SHPRH: variants seen among roughly 807,000 people sequenced by gnomAD.
The protein encoded by SHPRH is SNF2 histone linker PHD RING helicase, also known as E3 ubiquitin-protein ligase SHPRH.
Under a neutral mutation model 202.5 loss-of-function variants are expected in SHPRH, and 106 were observed. That is an observed-to-expected ratio of 0.52 (90% confidence interval 0.45 to 0.62). SHPRH has a LOEUF of 0.62. SHPRH is among the 20% of genes least tolerant of loss of function. The pLI, the probability that SHPRH is intolerant of heterozygous loss-of-function variation, is 0.00. For synonymous variants in SHPRH, 729 were observed against 686.0 expected, an observed-to-expected ratio of 1.06 and a Z score of -0.98; for missense variants, 1,710 against 2,020.0, an observed-to-expected ratio of 0.85 and a Z score of 2.94.
intron 9 of SHPRH, 72 bp from the exon 10 acceptor site, chr6:145,941,946 T>C: frequency 6.5e-7 from 1 of 1,543,192 alleles, no homozygotes; most frequent in Non-Finnish European, 8.8e-7. Context: ...CACTCATTTA[T>C]ACCCTTACTA....
downstream of SHPRH, among the ~76,000 whole-genome samples, chr6:145,863,422 T>C (rs1310270528): frequency 1.3e-5 from 2 of 152,244 alleles, no homozygotes; most frequent in East Asian, 1.9e-4. Context: ...TATATTGCAA[T>C]GTATTTCCTG....
intron 2 of SHPRH, among the ~76,000 whole-genome samples, chr6:145,878,187 A>G (rs1422043782): frequency 2.0e-5 from 3 of 152,206 alleles, no homozygotes; most frequent in Non-Finnish European, 4.4e-5. Context: ...AGCAAAATTG[A>G]GCAGAAAGTA....
At chr6:145,883,651 CTGTT>C (rs1780753590), downstream of SHPRH, 1 of 152,202 alleles carries the variant, frequency 6.6e-6, no homozygotes, top group Non-Finnish European at 1.5e-5. Flanking sequence ...TTTTATAAAA[CTGTT>C]AACTGATCTC....
At chr6:145,922,607 A>C (rs1388608087) in intron 19 of SHPRH, 56 bp downstream of exon 19, 1 of 1,519,988 alleles carries the variant, frequency 6.6e-7, no homozygotes, top group Non-Finnish European at 8.8e-7. Context: ...CTTCTCTAAG[A>C]AATCTAGCTT....
intron 2 of SHPRH, among the ~76,000 whole-genome samples, chr6:145,873,825 C>T (rs1780173753): frequency 6.6e-6 from 1 of 152,034 alleles, no homozygotes; most frequent in Non-Finnish European, 1.5e-5. Context: ...TACTTAGGGT[C>T]CTCTTGAGAC....
intron 19 of SHPRH, 104 bp downstream of exon 19, chr6:145,922,555 CAATT>C: frequency 7.4e-7 from 1 of 1,355,336 alleles, no homozygotes; most frequent in Admixed American, 2.7e-5. Context: ...ACTTCTGTCT[CAATT>C]AAAATGAAAA....
At chr6:145,923,135 T>C (rs1784569808) in intron 18 of SHPRH, among the ~76,000 whole-genome samples, 1 of 151,902 alleles carries the variant, frequency 6.6e-6, no homozygotes, top group Non-Finnish European at 1.5e-5. Flanking sequence ...GCCACATTCT[T>C]CCGTTTTAAG....
intron 23 of SHPRH, chr6:145,917,303 G>A (rs983633087): frequency 6.6e-6 from 1 of 152,086 alleles, no homozygotes; most frequent in Admixed American, 6.6e-5. Context: ...TCATTTTACT[G>A]ATGATGCGAG....
At chr6:145,911,997 A>G (rs1284433120) in intron 24 of SHPRH, among the ~76,000 whole-genome samples, 3 of 151,964 alleles carry the variant, frequency 2.0e-5, no homozygotes, top group South Asian at 4.2e-4. Flanking sequence ...CCACTGGGGT[A>G]CTCTACTGGA....
At chr6:145,931,510 A>T (rs1459890921) in intron 14 of SHPRH, among the ~76,000 whole-genome samples, 2 of 151,598 alleles carry the variant, frequency 1.3e-5, no homozygotes, top group Non-Finnish European at 2.9e-5. Context: ...ATGCCACCAC[A>T]CCCAGCTAGT....
chr6:145,951,243 C>T (rs1259119157), intron 3 of SHPRH, among the ~76,000 whole-genome samples: 1 of 151,986 alleles, frequency 6.6e-6, no homozygotes, highest in East Asian at 1.9e-4. Context: ...GCTAATGGTT[C>T]TTTATTAAAA....
chr6:145,949,057 A>G (rs909763765), intron 4 of SHPRH, among the ~76,000 whole-genome samples: 3 of 152,066 alleles, frequency 2.0e-5, no homozygotes, highest in African/African-American at 7.2e-5. Flanking sequence ...AAAAATTCAA[A>G]AAACTATGGA....
downstream of SHPRH, among the ~76,000 whole-genome samples, chr6:145,859,456 C>A (rs752010171): frequency 6.6e-6 from 1 of 151,902 alleles, no homozygotes; most frequent in Non-Finnish European, 1.5e-5. Flanking sequence ...TTCAGAATAA[C>A]TTATCCATGT....
chr6:145,869,770 C>G (rs538862141), intron 2 of SHPRH, among the ~76,000 whole-genome samples: 58 of 147,854 alleles, frequency 3.9e-4, no homozygotes, highest in Non-Finnish European at 6.1e-4. Context: ...AGTCTTCTGA[C>G]TTTGTTCTTC....
intron 14 of SHPRH, among the ~76,000 whole-genome samples, chr6:145,930,959 T>C (rs573440068): frequency 6.6e-6 from 1 of 152,344 alleles, no homozygotes; most frequent in Non-Finnish European, 1.5e-5. Flanking sequence ...TCCTTGGTAA[T>C]ATTCTTTGCT....
intron 2 of SHPRH, among the ~76,000 whole-genome samples, chr6:145,879,773 T>C (rs1397585611): frequency 6.6e-6 from 1 of 151,696 alleles, no homozygotes; most frequent in Admixed American, 6.6e-5. Flanking sequence ...TATCTGGGCA[T>C]GGTGGTGGGT....
chr6:145,956,220 G>A (rs1400653861), intron 1 of SHPRH, among the ~76,000 whole-genome samples: 2 of 152,026 alleles, frequency 1.3e-5, no homozygotes, highest in Non-Finnish European at 2.9e-5. Flanking sequence ...AATCTCAGCA[G>A]CAAAGAATGG....
chr6:145,952,698 A>C (rs972142412), intron 2 of SHPRH, among the ~76,000 whole-genome samples: 3 of 152,024 alleles, frequency 2.0e-5, no homozygotes, highest in African/African-American at 7.2e-5. Flanking sequence ...GAGTTGCTGG[A>C]AAAAAATATT....
intron 4 of SHPRH, among the ~76,000 whole-genome samples, chr6:145,949,723 T>C (rs1418090111): frequency 6.6e-6 from 1 of 152,020 alleles, no homozygotes; most frequent in Admixed American, 6.6e-5. Context: ...ACAAAGTTAT[T>C]GAAAAAAGAC....
Sources: allele counts gnomAD v4.1 joint callset (sites outside exome capture counted in the v4.1 genomes callset), GRCh38; gene constraint gnomAD v4.1.1; transcripts MANE v1.5; gene names NCBI Gene and HGNC (gene_info 2026-07-23, HGNC 2026-07-21).